NOTCH2: variants seen among roughly 807,000 people sequenced by gnomAD.
NOTCH2 encodes the protein neurogenic locus notch homolog protein 2.
A neutral mutation model predicts 235.8 loss-of-function variants in NOTCH2; 29 were observed. That is an observed-to-expected ratio of 0.12 (90% CI 0.09 to 0.17). NOTCH2 has a LOEUF of 0.17. Among genes scored for constraint, NOTCH2 ranks in the 10% least tolerant of loss-of-function variants. NOTCH2 has a pLI of 1.00. For synonymous variants in NOTCH2, 1,086 were observed against 1,141.5 expected, an observed-to-expected ratio of 0.95 and a Z score of 0.98; for missense variants, 2,285 against 3,150.2, an observed-to-expected ratio of 0.73 and a Z score of 6.57.
intron 12 of NOTCH2, among the ~76,000 whole-genome samples, chr1:119,958,149 G>A (rs1650780843): frequency 6.6e-6 from 1 of 152,058 alleles, no homozygotes; most frequent in African/African-American, 2.4e-5. Flanking sequence ...TATCTAGCAG[G>A]GATTTTTGTG....
chr1:119,966,344 A>G, intron 9 of NOTCH2, 32 bp downstream of exon 9: 1 of 1,472,154 alleles, frequency 6.8e-7, no homozygotes, highest in Non-Finnish European at 9.5e-7. Flanking sequence ...TTGTGCTTTA[A>G]GAGAAAACAG....
rs1164161378 is a variant in NOTCH2 at position 119,926,634 on chromosome 1, A to G, written c.3893-23T>C. On this transcript the variant is annotated intron_variant, in intron 23 of 33. Coordinates refer to ENST00000256646, the MANE Select transcript of NOTCH2 (RefSeq NM_024408.4). The stretch of plus-strand genomic sequence containing the variant: ...GGCCTCAGAAAATAAAAAATAAAAA[A>G]GGTTTTAAAAGGCAGAAGTAGTCAC... 1.9e-6 allele frequency: 3 copies of G among 1,556,646 alleles called. No homozygotes were observed. In the African/African-American group the frequency reaches 4.1e-5, roughly 21 times the overall value.
intron 17 of NOTCH2, among the ~76,000 whole-genome samples, chr1:119,947,618 A>T (rs1419621029): frequency 6.6e-6 from 1 of 152,212 alleles, no homozygotes; most frequent in African/African-American, 2.4e-5. Context: ...AAAGTGAAAC[A>T]TACACTTACG....
At chr1:119,999,312 GTT>G (rs1652616297) in intron 3 of NOTCH2, among the ~76,000 whole-genome samples, 1 of 147,756 alleles carries the variant, frequency 6.8e-6, no homozygotes, top group Non-Finnish European at 1.5e-5. Context: ...AGACACAAGA[GTT>G]TTTCTATAAG....
At chr1:119,981,967 G>T (rs1213497742) in intron 5 of NOTCH2, among the ~76,000 whole-genome samples, 1 of 151,532 alleles carries the variant, frequency 6.6e-6, no homozygotes, top group Non-Finnish European at 1.5e-5. Context: ...TAGAAAAATG[G>T]TTGTGAGAAA....
chr1:120,014,779 T>C (rs1326546450), intron 2 of NOTCH2, among the ~76,000 whole-genome samples: 1 of 117,384 alleles, frequency 8.5e-6, no homozygotes, highest in African/African-American at 3.3e-5. Flanking sequence ...TTCTTTCACG[T>C]TTCCTAAGTG....
At chr1:119,933,423 C>T (rs1649734785) in intron 22 of NOTCH2, among the ~76,000 whole-genome samples, 3 of 152,102 alleles carry the variant, frequency 2.0e-5, no homozygotes, top group Admixed American at 2.0e-4. Context: ...CAAGCACACA[C>T]AGTAAAATAA....
chr1:120,025,647 C>T (rs1653810892), intron 2 of NOTCH2, among the ~76,000 whole-genome samples: 1 of 108,600 alleles, frequency 9.2e-6, no homozygotes, highest in Non-Finnish European at 1.8e-5. Context: ...GAAGTCATAC[C>T]CATGGTCCAA....
In NOTCH2 at chr1:119,922,678, C is replaced by T. The variant is rs758689134; in HGVS notation, c.4960G>A (p.Ala1654Thr). The change falls in exon 27 of 34, where the codon GCC (alanine) becomes ACC (threonine). Residue 1654 changes from alanine to threonine, a missense_variant. Transcript: ENST00000256646. ...GGGTATGACAGGGTCCCCTGTATGG[C>T]GTGAGAGGCCAGGAGAGCTGCTGCT... ...DAAAALLASH[A>T]IQGTLSYPLV... The T allele has an allele frequency of 5.6e-6, 9 of 1,614,006 alleles. No homozygotes were observed. In the Admixed American group the frequency reaches 6.7e-5, roughly 12 times the overall value.
intron 19 of NOTCH2, among the ~76,000 whole-genome samples, chr1:119,940,277 A>G (rs587724669): frequency 2.4e-4 from 37 of 152,348 alleles, no homozygotes; most frequent in Non-Finnish European, 4.7e-4. Flanking sequence ...CAAAAAAACA[A>G]AAAACAAAAA....
rs587601501 is a variant in NOTCH2 at position 119,954,751 on chromosome 1, G to A, written c.2219+289C>T. Among the ~76,000 whole-genome samples, 15 of 152,286 alleles carry A rather than the reference G, an allele frequency of 9.8e-5. No homozygotes were observed. In the South Asian group the frequency reaches 2.7e-3, roughly 27 times the overall value. The stretch of plus-strand genomic sequence containing the variant: ...AGTAATACATACTAAAAACATAACT[G>A]CCAAAGATTCATACAATGAGTATGG... On this transcript the variant is annotated intron_variant, in intron 13 of 33. Coordinates refer to ENST00000256646, the MANE Select transcript of NOTCH2 (RefSeq NM_024408.4).
intron 13 of NOTCH2, 80 bp from the exon 14 acceptor site, chr1:119,953,768 A>G (rs782110044): frequency 1.5e-5 from 18 of 1,219,982 alleles, no homozygotes; most frequent in Non-Finnish European, 2.2e-5. Flanking sequence ...GACTTGGTGA[A>G]GAAATGGGGT....
intron 22 of NOTCH2, among the ~76,000 whole-genome samples, chr1:119,930,936 A>C (rs1649630840): frequency 6.6e-6 from 1 of 151,394 alleles, no homozygotes; most frequent in Non-Finnish European, 1.5e-5. Flanking sequence ...GTCTCCACTA[A>C]AAAATACAAA....
At position 119,963,722 on chromosome 1, in the gene NOTCH2, A is replaced by C; in HGVS notation, c.1767T>G (p.Asp589Glu). 6.2e-7 allele frequency: 1 copy of C among 1,614,180 alleles called. No homozygotes were observed. The highest frequency in any genetic ancestry group is 1.1e-5 in the South Asian group (1 of 91,092). ...CHHGQCQDGI[D>E]SYTCICNPGY... ...CGGGATTGCAGATGCAGGTGTAGGA[A>C]TCAATACCATCCTGACACTGACCAT... is the stretch of plus-strand genomic sequence containing the variant. Residue 589 changes from aspartate (D) to glutamate (E), a missense_variant, in exon 11 of 34, where the codon GAT becomes GAG. Transcript: ENST00000256646.
intron 19 of NOTCH2, among the ~76,000 whole-genome samples, chr1:119,938,802 T>G (rs1379641497): frequency 3.3e-5 from 5 of 152,094 alleles, no homozygotes; most frequent in African/African-American, 9.7e-5. Context: ...TGCCTCAGCC[T>G]CCCGAGTAGC....
chr1:119,982,158 T>C (rs945199393), intron 5 of NOTCH2, among the ~76,000 whole-genome samples: 8 of 152,168 alleles, frequency 5.3e-5, no homozygotes, highest in South Asian at 2.1e-4. Flanking sequence ...TTGGGAGCAC[T>C]GACAGCAATG....
intron 21 of NOTCH2, among the ~76,000 whole-genome samples, chr1:119,936,976 T>C (rs190756030): frequency 6.6e-6 from 1 of 151,974 alleles, no homozygotes; most frequent in East Asian, 1.9e-4. Context: ...TTCAGGGAAG[T>C]GTGGACTGCT....
intron 12 of NOTCH2, 23 bp downstream of exon 12, chr1:119,959,369 C>T: frequency 8.1e-7 from 1 of 1,227,454 alleles, no homozygotes; most frequent in Non-Finnish European, 1.2e-6. Flanking sequence ...GAAGGAGGGG[C>T]CTTGCAGTAA....
intron 1 of NOTCH2, among the ~76,000 whole-genome samples, chr1:120,037,955 A>T (rs1473169310): frequency 6.6e-6 from 1 of 152,020 alleles, no homozygotes; most frequent in Admixed American, 6.5e-5. Context: ...TTCATACTAT[A>T]AAAAAATCAT....
Sources: allele counts gnomAD v4.1 joint callset (sites outside exome capture counted in the v4.1 genomes callset), GRCh38; gene constraint gnomAD v4.1.1; transcripts MANE v1.5; gene names NCBI Gene and HGNC (gene_info 2026-07-23, HGNC 2026-07-21).